RBL2: variants seen among roughly 807,000 people sequenced by gnomAD.
The protein encoded by RBL2 is retinoblastoma-like protein 2.
RBL2 carries 56 observed loss-of-function variants against 126.0 expected under a neutral mutation model. The ratio of observed to expected loss-of-function variants is 0.44; its 90% confidence interval spans 0.36 to 0.56. The LOEUF is 0.56. RBL2 is among the 20% of genes least tolerant of loss of function. RBL2 has a pLI of 0.00. For synonymous variants in RBL2, 454 were observed against 478.5 expected (o/e 0.95, Z 0.67); for missense variants, 1,229 against 1,398.2 (o/e 0.88, Z 1.93).
At chr16:53,460,861 AAC>A (rs1042799040) in intron 9 of RBL2, among the ~76,000 whole-genome samples, 92 of 152,324 alleles carry the variant, frequency 6.0e-4, no homozygotes, top group African/African-American at 2.2e-3. Context: ...TCAAGATAAA[AAC>A]AGTTGTTACA....
intron 10 of RBL2, 139 bp downstream of exon 10, chr16:53,461,989 T>G (rs2058226148): frequency 1.5e-6 from 1 of 658,208 alleles, no homozygotes. Context: ...ATTTTTCTGG[T>G]CAACCAACTG....
chr16:53,450,932 C>A (rs1012567136), intron 4 of RBL2, among the ~76,000 whole-genome samples: 2 of 150,722 alleles, frequency 1.3e-5, no homozygotes, highest in African/African-American at 4.9e-5. Context: ...GACAGTGAGA[C>A]TCCATCTCAA....
chr16:53,465,797 G>C, intron 13 of RBL2, 195 bp downstream of exon 13: 1 of 421,360 alleles, frequency 2.4e-6, no homozygotes. Flanking sequence ...GAATGACTCA[G>C]ACAAGTCCAG....
At chr16:53,447,472 C>A (rs1485028676) in intron 4 of RBL2, among the ~76,000 whole-genome samples, 2 of 152,116 alleles carry the variant, frequency 1.3e-5, no homozygotes, top group African/African-American at 2.4e-5. Flanking sequence ...TACTGATCAA[C>A]CTCAGAGCTG....
chr16:53,462,564 A>T lies in RBL2; in HGVS notation c.1469A>T (p.Lys490Ile). ...ATTATTTCTACAGAAATTGCCAGCA[A>T]ACATTTTCGTTTTGCGGAGATGCTT... ...FSNCAKEIAS[K>I]HFRFAEMLYY... The change falls in exon 11 of 22, where the codon AAA (lysine) becomes ATA (isoleucine). Residue 490 changes from lysine (K) to isoleucine (I), a missense_variant. By Grantham distance (102) the Lys-to-Ile change is moderately radical. This residue lies in a region of RBL2 where 1,070 missense variants were observed against 1,274.3 expected (regional missense o/e 0.84). Transcript: ENST00000262133. The T allele has an allele frequency of 6.4e-7, 1 of 1,552,668 alleles. No homozygotes were observed. Among genetic ancestry groups the T allele is most frequent in the Non-Finnish European group, 8.6e-7 (1 of 1,158,264 alleles).
intron 9 of RBL2, among the ~76,000 whole-genome samples, chr16:53,459,865 C>G (rs899355311): frequency 4.4e-5 from 6 of 137,380 alleles, no homozygotes; most frequent in South Asian, 2.2e-4. Context: ...GAGTAAAACA[C>G]AAAAGTGTCT....
rs147358783 is a variant in RBL2 at position 53,473,433 on chromosome 16, G to A, written c.2703+2511G>A. ...TAAATTTATTCCTATTCTTGTTGATGCTATTCCAAGTGTAGTTGTTTCATT... is the reference window on the plus strand; with the variant it reads ...TAAATTTATTCCTATTCTTGTTGATACTATTCCAAGTGTAGTTGTTTCATT... On this transcript the variant is annotated intron_variant, in intron 17 of 21. Coordinates refer to ENST00000262133, the MANE Select transcript of RBL2 (RefSeq NM_005611.4). Among the ~76,000 whole-genome samples the A allele has an allele frequency of 2.6e-4, 39 of 150,636 alleles. No homozygotes were observed. In the East Asian group the frequency reaches 7.0e-3, roughly 27 times the overall value.
chr16:53,449,057 G>GT (rs1204338368), intron 4 of RBL2: 2 of 152,144 alleles, frequency 1.3e-5, no homozygotes, highest in Non-Finnish European at 2.9e-5. Flanking sequence ...ACACTGGCAT[G>GT]TTTCTTTAGT....
At position 53,462,564 on chromosome 16, in the gene RBL2, A is replaced by G. The variant is rs557887006; in HGVS notation, c.1469A>G (p.Lys490Arg). The G allele has an allele frequency of 2.6e-6, 4 of 1,552,668 alleles. No homozygotes were observed. The highest frequency in any genetic ancestry group is 2.8e-5 in the African/African-American group (2 of 70,592). ...FSNCAKEIAS[K>R]HFRFAEMLYY... ...ATTATTTCTACAGAAATTGCCAGCA[A>G]ACATTTTCGTTTTGCGGAGATGCTT... is the stretch of plus-strand genomic sequence containing the variant. Residue 490 changes from lysine (K) to arginine (R), a missense_variant, in exon 11 of 22, where the codon AAA becomes AGA. By Grantham distance (26) the Lys-to-Arg change is conservative. Transcript: ENST00000262133.
rs1157455494 is a variant in RBL2 at position 53,454,543 on chromosome 16, G to C, written c.993-113G>C. 6.7e-6 allele frequency: 7 copies of C among 1,037,360 alleles called. No individual in the cohort carries two copies. The East Asian group carries it at 1.6e-4, about 23-fold the overall frequency. 64.3% of individuals were successfully genotyped at this position (1,037,360 alleles called of 1,614,324 possible). On this transcript the variant is annotated intron_variant, in intron 7 of 21. Coordinates refer to ENST00000262133, the MANE Select transcript of RBL2 (RefSeq NM_005611.4). The stretch of plus-strand genomic sequence containing the variant: ...TATAACTACAAGTTACCCTACCAAA[G>C]TTTAACTTTCAAAAAACTATTAGAA...
At chr16:53,486,125 G>GAAAA (rs59433365) in intron 21 of RBL2, among the ~76,000 whole-genome samples, 11 of 92,170 alleles carry the variant, frequency 1.2e-4, no homozygotes, top group African/African-American at 3.5e-4. Context: ...CCTTGTCTCT[G>GAAAA]AAAAAAAAAA....
At chr16:53,489,842 A>G (rs1026994030) in intron 21 of RBL2, 1 of 247,396 alleles carries the variant, frequency 4.0e-6, no homozygotes, top group Admixed American at 5.5e-5. Context: ...AAAAATCACA[A>G]ATTTGTGAAC....
At chr16:53,446,197 A>G (rs930621337) in intron 3 of RBL2, among the ~76,000 whole-genome samples, 1 of 152,238 alleles carries the variant, frequency 6.6e-6, no homozygotes, top group African/African-American at 2.4e-5. Flanking sequence ...ATAGTTTATC[A>G]TGCGCCTATG....
In RBL2 at chr16:53,454,678, G is replaced by A; in HGVS notation, c.1015G>A (p.Glu339Lys). Reference protein sequence around the residue: ...ESFKAINKAYEEYVLSVGNLD... With the variant: ...ESFKAINKAYKEYVLSVGNLD... ...TAGTAAAGCCATCAATAAGGCCTAT[G>A]AGGAGTATGTTTTATCTGTTGGGAA... is the stretch of plus-strand genomic sequence containing the variant. Residue 339 changes from glutamate to lysine, a missense_variant, in exon 8 of 22, where the codon GAG becomes AAG. Coordinates refer to ENST00000262133, the MANE Select transcript of RBL2 (RefSeq NM_005611.4). 1 of 1,613,626 alleles carries A rather than the reference G, an allele frequency of 6.2e-7. No homozygotes were observed. The highest frequency in any genetic ancestry group is 8.5e-7 in the Non-Finnish European group (1 of 1,179,554).
Position 53,434,659 on chromosome 16 carries a change from GCGC to G in RBL2, c.108_110del (p.Pro37del), listed in dbSNP as rs762211472. 8 of 1,561,028 alleles carry G rather than the reference GCGC, an allele frequency of 5.1e-6. No homozygotes were observed. The highest frequency in any genetic ancestry group is 6.9e-6 in the Non-Finnish European group (8 of 1,163,370). On this transcript the variant is annotated inframe_deletion, in exon 1 of 22. Coordinates refer to ENST00000262133, the MANE Select transcript of RBL2 (RefSeq NM_005611.4). The stretch of plus-strand genomic sequence containing the variant: ...GGACGACGGCGAGGCGGAAGACGCC[GCGC>G]CGCCTGCCGAGTCGCCCACCCCTCA...
At chr16:53,471,039 C>T in intron 17 of RBL2, 117 bp downstream of exon 17, 2 of 1,061,108 alleles carry the variant, frequency 1.9e-6, no homozygotes, top group Non-Finnish European at 2.7e-6. Flanking sequence ...TTAAAATGCA[C>T]AACTAAATGG....
chr16:53,469,311 CTG>C (rs1483212320), intron 14 of RBL2, among the ~76,000 whole-genome samples: 2 of 152,182 alleles, frequency 1.3e-5, no homozygotes, highest in East Asian at 1.9e-4. Context: ...GGTATATAAA[CTG>C]TTTTAAAAAA....
At chr16:53,462,165 T>C (rs1251825564) in intron 10 of RBL2, among the ~76,000 whole-genome samples, 1 of 152,186 alleles carries the variant, frequency 6.6e-6, no homozygotes, top group Non-Finnish European at 1.5e-5. Context: ...ACAGGAGATA[T>C]CACTGTTATG....
chr16:53,485,130 A>G (rs2150830420), intron 21 of RBL2, among the ~76,000 whole-genome samples: 1 of 152,320 alleles, frequency 6.6e-6, no homozygotes, highest in Admixed American at 6.5e-5. Context: ...CTCTCTAACA[A>G]ATCAAGTGCA....
Sources: gnomAD v4.1 joint callset for allele counts (sites outside exome capture counted in the v4.1 genomes callset) on GRCh38, gnomAD v4.1.1 for gene constraint, gnomAD v4.1.1 regional missense constraint, MANE v1.5 for transcripts, NCBI Gene and HGNC (gene_info 2026-07-23, HGNC 2026-07-21) for gene names.